The following TMEM117 variants were observed in gnomAD, a reference collection of about 807,000 sequenced individuals.
TMEM117 encodes the protein transmembrane protein 117.
TMEM117 carries 27 observed loss-of-function variants against 52.4 expected under a neutral mutation model. That is an observed-to-expected ratio of 0.51 (90% CI 0.38 to 0.71). The LOEUF is 0.71. Ranked by LOEUF, TMEM117 falls within the 30% of genes least tolerant of loss-of-function variation. TMEM117 has a pLI of 0.00. For synonymous variants in TMEM117, 215 were observed against 206.3 expected (o/e 1.04, Z -0.36); for missense variants, 556 against 630.5 (o/e 0.88, Z 1.26).
At chr12:44,004,208 A>G (rs1455643448) in intron 3 of TMEM117, among the ~76,000 whole-genome samples, 1 of 151,702 alleles carries the variant, frequency 6.6e-6, no homozygotes, top group Non-Finnish European at 1.5e-5. Flanking sequence ...CTGCACGATA[A>G]GCTTTGAAGC....
intron 3 of TMEM117, among the ~76,000 whole-genome samples, chr12:43,983,547 CGTGTGTGTGTGTGTGTGTGTGTGTGT>C (rs748259406): frequency 9.0e-6 from 1 of 110,608 alleles, no homozygotes; most frequent in Admixed American, 9.3e-5. Context: ...TTGCACCAAC[CGTGTGTGTGTGTGTGTGTGTGTGTGT>C]GTGTGTGTGT....
chr12:43,865,362 C>G (rs184864687), intron 2 of TMEM117, among the ~76,000 whole-genome samples: 1 of 152,076 alleles, frequency 6.6e-6, no homozygotes, highest in East Asian at 1.9e-4. Flanking sequence ...AACAATACAT[C>G]CTTGGGCTAT....
chr12:44,002,393 C>A (rs1592430081), intron 3 of TMEM117, among the ~76,000 whole-genome samples: 1 of 63,410 alleles, frequency 1.6e-5, no homozygotes, highest in East Asian at 7.8e-4. Flanking sequence ...TCTTTTGCTA[C>A]CAAACTCAGA....
At chr12:43,797,576 A>G in the TMEM117 span, 1 of 1,412,358 alleles carries the variant, frequency 7.1e-7, no homozygotes, top group Non-Finnish European at 9.5e-7. Flanking sequence ...CTTTTTCACA[A>G]TGAACATTTA....
intron 2 of TMEM117, among the ~76,000 whole-genome samples, chr12:43,894,760 G>A (rs1944169278): frequency 6.6e-6 from 1 of 152,122 alleles, no homozygotes; most frequent in African/African-American, 2.4e-5. Context: ...ATTCCATGGT[G>A]TGTATGTACA....
At chr12:43,805,522 A>T in the TMEM117 span, 1 of 456,392 alleles carries the variant, frequency 2.2e-6, no homozygotes, top group African/African-American at 2.0e-5. Flanking sequence ...TGAGGTGAGT[A>T]CCTGCAGGCT....
At chr12:44,286,784 G>T (rs1159313888) in intron 5 of TMEM117, among the ~76,000 whole-genome samples, 1 of 152,016 alleles carries the variant, frequency 6.6e-6, no homozygotes, top group Non-Finnish European at 1.5e-5. Context: ...AATTGAGTAG[G>T]CTCTAAAATG....
chr12:44,025,903 C>G (rs1033368946), intron 3 of TMEM117, among the ~76,000 whole-genome samples: 1 of 133,866 alleles, frequency 7.5e-6, no homozygotes, highest in Non-Finnish European at 1.6e-5. Flanking sequence ...ACCTATCCGC[C>G]CCCCCCACCC....
At chr12:44,173,497 G>A (rs1949077671) in intron 4 of TMEM117, among the ~76,000 whole-genome samples, 1 of 151,732 alleles carries the variant, frequency 6.6e-6, no homozygotes, top group South Asian at 2.1e-4. Flanking sequence ...TAACTTGATT[G>A]CCTTCTTTTG....
At chr12:44,300,691 GTTCT>G (rs1950828866) in intron 6 of TMEM117, among the ~76,000 whole-genome samples, 2 of 152,094 alleles carry the variant, frequency 1.3e-5, no homozygotes, top group Admixed American at 1.3e-4. Context: ...GTTCAAGATG[GTTCT>G]TTGAGTATAT....
At chr12:44,267,937 T>A (rs1159492824) in intron 5 of TMEM117, among the ~76,000 whole-genome samples, 1 of 152,354 alleles carries the variant, frequency 6.6e-6, no homozygotes, top group East Asian at 1.9e-4. Context: ...TCTCAGCTAC[T>A]GTGAACAATG....
chr12:44,103,943 A>G (rs1016798624), intron 3 of TMEM117, among the ~76,000 whole-genome samples: 2 of 152,098 alleles, frequency 1.3e-5, no homozygotes, highest in South Asian at 2.1e-4. Context: ...GAAGAGAACT[A>G]TGTAATGTTC....
rs181033649 is a variant in TMEM117 at position 44,371,822 on chromosome 12, A to G, written c.769-4773A>G. Among the ~76,000 whole-genome samples, 76 of 152,332 alleles carry G rather than the reference A, an allele frequency of 5.0e-4. 1 individual carries two copies. In the East Asian group the frequency reaches 0.013, roughly 26 times the overall value. On this transcript the variant is annotated intron_variant, in intron 6 of 7. Transcript: ENST00000266534. Reference sequence around the variant, plus strand: ...AACAGTGAACTGAAATTTTGTGTCTATTGTGGCTCATGAATAATAGGGATC... The same window carrying G: ...AACAGTGAACTGAAATTTTGTGTCTGTTGTGGCTCATGAATAATAGGGATC...
intron 3 of TMEM117, among the ~76,000 whole-genome samples, chr12:44,090,196 A>G (rs1448953101): frequency 6.6e-6 from 1 of 151,916 alleles, no homozygotes; most frequent in Admixed American, 6.6e-5. Context: ...TTTAAATTTT[A>G]TTTTAGATTC....
At chr12:43,868,846 A>G (rs1024652723) in intron 2 of TMEM117, among the ~76,000 whole-genome samples, 4 of 151,326 alleles carry the variant, frequency 2.6e-5, no homozygotes, top group African/African-American at 9.7e-5. Context: ...AAAGCAAATA[A>G]GAGCAGAAAT....
chr12:43,876,294 T>G (rs1227197650), intron 2 of TMEM117, among the ~76,000 whole-genome samples: 1 of 152,216 alleles, frequency 6.6e-6, no homozygotes, highest in Non-Finnish European at 1.5e-5. Context: ...CTCTGTTGTT[T>G]CCTAGAGTTG....
intron 5 of TMEM117, among the ~76,000 whole-genome samples, chr12:44,253,534 G>T (rs1180684615): frequency 1.3e-5 from 2 of 152,118 alleles, no homozygotes; most frequent in Non-Finnish European, 2.9e-5. Context: ...TCAGTTGTGG[G>T]TTATAAGGAG....
intron 5 of TMEM117, among the ~76,000 whole-genome samples, chr12:44,238,276 G>A (rs762154324): frequency 6.6e-6 from 1 of 152,056 alleles, no homozygotes; most frequent in South Asian, 2.1e-4. Flanking sequence ...TACAAATATT[G>A]TAAGTACATA....
intron 5 of TMEM117, among the ~76,000 whole-genome samples, chr12:44,234,289 T>C (rs1454704429): frequency 6.6e-6 from 1 of 151,514 alleles, no homozygotes; most frequent in Non-Finnish European, 1.5e-5. Flanking sequence ...TAGAGGATGA[T>C]ATATAGTCAT....
Sources: gnomAD v4.1 joint callset for allele counts (sites outside exome capture counted in the v4.1 genomes callset) on GRCh38, gnomAD v4.1.1 for gene constraint, MANE v1.5 for transcripts, NCBI Gene and HGNC (gene_info 2026-07-23, HGNC 2026-07-21) for gene names.